Variants in CADM2 observed in about 807,000 individuals in gnomAD.
CADM2 encodes immunoglobulin superfamily member 4D.
In CADM2, 12 loss-of-function variants were observed where a neutral mutation model predicts 49.8. The ratio of observed to expected loss-of-function variants is 0.24; its 90% CI spans 0.15 to 0.39. The LOEUF is 0.39. Among genes scored for constraint, CADM2 ranks in the 10% least tolerant of loss-of-function variants. The probability of loss-of-function intolerance (pLI) is 1.00; values close to 1 mark genes in which losing one functional copy is unlikely to be tolerated. For synonymous variants in CADM2, 214 were observed against 175.4 expected, an observed-to-expected ratio of 1.22 and a Z score of -1.74; for missense variants, 378 against 492.3, an observed-to-expected ratio of 0.77 and a Z score of 2.20.
At chr3:85,312,425 A>T (rs2044367902) in intron 1 of CADM2, among the ~76,000 whole-genome samples, 1 of 152,132 alleles carries the variant, frequency 6.6e-6, no homozygotes, top group Admixed American at 6.6e-5. Flanking sequence ...CTAGACATTG[A>T]ATAAAACTAA....
rs1408064920 is a variant in CADM2 at position 86,074,196 on chromosome 3, T to G, written c.*7413T>G. ...CTAAGATAATGCAATTAATCATATA[T>G]CCAACCTAAGCTTCTGCCAATAAGG... On this transcript the variant is annotated 3_prime_UTR_variant, in exon 10 of 10. Coordinates refer to ENST00000383699, the MANE Select transcript of CADM2 (RefSeq NM_001167675.2). The G allele has an allele frequency of 6.6e-6, 1 of 152,002 alleles. No individual in the cohort carries two copies. The highest frequency in any genetic ancestry group is 1.5e-5 in the Non-Finnish European group (1 of 67,872). The allele number at this position is 152,002 out of a possible 1,614,324, so 9.4% of individuals were successfully genotyped here. A position where few individuals can be genotyped will look rare whatever the true frequency, so the allele number is the denominator to read the frequency against.
At chr3:85,598,682 A>G (rs1559934201) in intron 1 of CADM2, among the ~76,000 whole-genome samples, 1 of 151,998 alleles carries the variant, frequency 6.6e-6, no homozygotes, top group African/African-American at 2.4e-5. Context: ...ACTGTGTGTC[A>G]GAACCTCTGT....
chr3:85,422,654 A>G (rs954176407), intron 1 of CADM2, among the ~76,000 whole-genome samples: 2 of 152,216 alleles, frequency 1.3e-5, no homozygotes, highest in South Asian at 2.1e-4. Flanking sequence ...TTGTTCATAT[A>G]TAAAGATTTT....
chr3:86,063,472 CTT>C (rs1385489227), intron 8 of CADM2, among the ~76,000 whole-genome samples: 1 of 152,130 alleles, frequency 6.6e-6, no homozygotes, highest in African/African-American at 2.4e-5. Flanking sequence ...TCTATTCATT[CTT>C]TTTTGCTTTC....
chr3:85,381,351 C>T (rs891027056), intron 1 of CADM2, among the ~76,000 whole-genome samples: 1 of 150,684 alleles, frequency 6.6e-6, no homozygotes, highest in African/African-American at 2.4e-5. Context: ...GGAATTTTGA[C>T]TTCTGATCCC....
intron 1 of CADM2, among the ~76,000 whole-genome samples, chr3:85,130,565 T>C (rs2039193873): frequency 6.6e-6 from 1 of 152,198 alleles, no homozygotes; most frequent in African/African-American, 2.4e-5. Flanking sequence ...TATGCATTAC[T>C]TCTACAGAGT....
intron 7 of CADM2, among the ~76,000 whole-genome samples, chr3:85,956,162 G>C (rs183878491): frequency 6.6e-6 from 1 of 151,644 alleles, no homozygotes; most frequent in Admixed American, 6.6e-5. Flanking sequence ...TCACTGTCCT[G>C]TTACTCCTGG....
chr3:85,751,666 A>G (rs1448159373), intron 2 of CADM2, among the ~76,000 whole-genome samples: 4 of 152,176 alleles, frequency 2.6e-5, no homozygotes, highest in South Asian at 4.1e-4. Flanking sequence ...ATGCAAACCC[A>G]AAGTACCCAT....
Position 84,999,985 on chromosome 3 carries a change from A to G in CADM2, c.61+40317A>G, listed in dbSNP as rs868397084. On this transcript the variant is annotated intron_variant, in intron 1 of 9. Transcript: ENST00000383699. ...AGCATGTAGAAATTTCCTATAAAAT[A>G]TTTCTGAAGAATTTACATCAAATTT... Among the ~76,000 whole-genome samples, 25 of 152,258 alleles carry G rather than the reference A, an allele frequency of 1.6e-4. No individual in the cohort carries two copies. In the Middle Eastern group the frequency reaches 0.014, roughly 83 times the overall value.
At chr3:85,468,895 G>T (rs1407037767) in intron 1 of CADM2, among the ~76,000 whole-genome samples, 3 of 152,214 alleles carry the variant, frequency 2.0e-5, no homozygotes, top group African/African-American at 7.2e-5. Context: ...AGAGAACCCA[G>T]CTCAGAGTTG....
chr3:85,321,748 A>G (rs2107108442), intron 1 of CADM2, among the ~76,000 whole-genome samples: 1 of 152,306 alleles, frequency 6.6e-6, no homozygotes, highest in East Asian at 1.9e-4. Flanking sequence ...TTTCATAATT[A>G]AGAGGAAAAG....
chr3:85,703,099 G>T (rs564720234), intron 1 of CADM2, among the ~76,000 whole-genome samples: 2 of 152,200 alleles, frequency 1.3e-5, no homozygotes, highest in South Asian at 4.1e-4. Flanking sequence ...TAAATTATAT[G>T]TATGTTTTCA....
chr3:85,300,232 C>G (rs981460823), intron 1 of CADM2, among the ~76,000 whole-genome samples: 13 of 151,970 alleles, frequency 8.6e-5, no homozygotes, highest in Non-Finnish European at 1.8e-4. Context: ...TTCTCTAGAG[C>G]AGAGCAGGTC....
chr3:85,196,909 T>G (rs969951328), intron 1 of CADM2, among the ~76,000 whole-genome samples: 1 of 151,964 alleles, frequency 6.6e-6, no homozygotes, highest in Admixed American at 6.6e-5. Context: ...GTTACTTCTT[T>G]GTTGATGAAT....
At chr3:85,617,859 TA>T (rs2107475757) in intron 1 of CADM2, among the ~76,000 whole-genome samples, 1 of 152,272 alleles carries the variant, frequency 6.6e-6, no homozygotes, top group East Asian at 1.9e-4. Context: ...AGTGATAAAA[TA>T]AAGATCTAAA....
intron 1 of CADM2, among the ~76,000 whole-genome samples, chr3:85,175,864 C>T (rs557899028): frequency 2.0e-5 from 3 of 149,582 alleles, no homozygotes; most frequent in Non-Finnish European, 4.4e-5. Context: ...ATGTGCGTCA[C>T]ATCCAGCAAC....
chr3:85,195,738 T>G (rs2107734417), intron 1 of CADM2, among the ~76,000 whole-genome samples: 1 of 152,210 alleles, frequency 6.6e-6, no homozygotes, highest in Middle Eastern at 3.4e-3. Context: ...AAGTTTCTTT[T>G]ATGCTTGCAA....
At chr3:85,913,130 A>C (rs1166950507) in intron 6 of CADM2, among the ~76,000 whole-genome samples, 1 of 152,192 alleles carries the variant, frequency 6.6e-6, no homozygotes, top group African/African-American at 2.4e-5. Flanking sequence ...TCATTTACGA[A>C]TAGTAGCCTG....
At chr3:85,568,453 TTCTTTCTTTCTCTTTCTCTCTC>T (rs2062355530) in intron 1 of CADM2, among the ~76,000 whole-genome samples, 2 of 27,562 alleles carry the variant, frequency 7.3e-5, no homozygotes, top group African/African-American at 9.1e-5. Context: ...CTTTCTTTCT[TTCTTTCTTTCTCTTTCTCTCTC>T]TTTCTTTCTT....
Sources: allele counts gnomAD v4.1 joint callset (sites outside exome capture counted in the v4.1 genomes callset), GRCh38; gene constraint gnomAD v4.1.1; transcripts MANE v1.5; gene names NCBI Gene and HGNC (gene_info 2026-07-23, HGNC 2026-07-21).